Variants in ZHX2 observed in about 807,000 individuals in gnomAD.
ZHX2 encodes zinc fingers and homeoboxes protein 2.
A neutral mutation model predicts 21.9 loss-of-function variants in ZHX2; 6 were observed. The observed-to-expected ratio is 0.27, with a 90% CI of 0.15 to 0.54. The LOEUF (loss-of-function observed/expected upper bound fraction) is 0.54, where lower values mean the gene tolerates loss of function less well. ZHX2 is among the 20% of genes least tolerant of loss of function. The pLI, the probability that ZHX2 is intolerant of heterozygous loss-of-function variation, is 0.95. For missense variants in ZHX2, 908 were observed against 1,090.7 expected, an observed-to-expected ratio of 0.83 and a Z score of 2.36; for synonymous variants, 434 against 437.1, an observed-to-expected ratio of 0.99 and a Z score of 0.09.
intron 2 of ZHX2, among the ~76,000 whole-genome samples, chr8:122,894,547 CA>C (rs1245092333): frequency 6.6e-6 from 1 of 152,038 alleles, no homozygotes; most frequent in African/African-American, 2.4e-5. Flanking sequence ...ATCACAAGGA[CA>C]AAAAACCAAA....
intron 2 of ZHX2, among the ~76,000 whole-genome samples, chr8:122,876,172 A>G (rs1382600535): frequency 6.6e-6 from 1 of 150,482 alleles, no homozygotes; most frequent in East Asian, 2.0e-4. Flanking sequence ...ATCCATCACA[A>G]CACAGCACCA....
chr8:122,964,339 G>C (rs1412706351), intron 3 of ZHX2, among the ~76,000 whole-genome samples: 1 of 151,850 alleles, frequency 6.6e-6, no homozygotes, highest in South Asian at 2.1e-4. Flanking sequence ...TTTTGCTGAG[G>C]GTTTTAATCA....
In ZHX2 at chr8:122,781,703, CTTTTT is replaced by C. The variant is rs1161390081; in HGVS notation, c.-521_-517del. ...CCACTGATCGAGGCATTTTTTTTCCCTTTTTTTTTCCTTTTTTTTTTTCTTTTAAA... is the reference window on the plus strand; with the variant it reads ...CCACTGATCGAGGCATTTTTTTTCCCTTTTCCTTTTTTTTTTTCTTTTAAA... On this transcript the variant is annotated 5_prime_UTR_variant, in exon 1 of 4. Coordinates refer to ENST00000314393, the MANE Select transcript of ZHX2 (RefSeq NM_014943.5). This position sits in a 1 kb window ranked among gnomAD's most constrained non-coding sequence, Gnocchi z 4.6. 6.6e-6 allele frequency: 1 copy of C among 150,850 alleles called. No homozygotes were observed. Among genetic ancestry groups the C allele is most frequent in the Non-Finnish European group, 1.5e-5 (1 of 67,568 alleles). 9.3% of individuals were successfully genotyped at this position (150,850 alleles called of 1,614,324 possible).
At chr8:122,928,286 C>T (rs896318224) in intron 2 of ZHX2, among the ~76,000 whole-genome samples, 5 of 152,132 alleles carry the variant, frequency 3.3e-5, no homozygotes, top group African/African-American at 9.7e-5. Context: ...ATTGGCTTAT[C>T]GGGGAAACTG....
Position 122,782,402 on chromosome 8 carries a change from G to T in ZHX2, c.-283+456G>T, listed in dbSNP as rs1817306148. Among the ~76,000 whole-genome samples, 1 of 152,164 alleles carries T rather than the reference G, an allele frequency of 6.6e-6. No individual in the cohort carries two copies. Among genetic ancestry groups the T allele is most frequent in the Admixed American group, 6.5e-5 (1 of 15,286 alleles). ...GTCTCCCTCCCTTCTTGGCCAAACT[G>T]CGGCGCTTTGTGCAAACGGGGCAGG... On this transcript the variant is annotated intron_variant, in intron 1 of 3. Coordinates refer to ENST00000314393, the MANE Select transcript of ZHX2 (RefSeq NM_014943.5). The surrounding 1 kb of genome is among the most constrained non-coding windows in gnomAD (Gnocchi z 5.3).
At chr8:122,943,007 A>G (rs560927503) in intron 2 of ZHX2, among the ~76,000 whole-genome samples, 1 of 152,242 alleles carries the variant, frequency 6.6e-6, no homozygotes, top group African/African-American at 2.4e-5. Context: ...CATGCCTGTA[A>G]TCCCAGCATT....
intron 2 of ZHX2, among the ~76,000 whole-genome samples, chr8:122,926,023 G>A (rs1425645901): frequency 6.6e-6 from 1 of 152,150 alleles, no homozygotes; most frequent in Non-Finnish European, 1.5e-5. Flanking sequence ...CAGAGGAACT[G>A]AATGGGAATA....
chr8:122,952,785 G>A lies in ZHX2; in HGVS notation c.1275G>A (p.Gln425=), dbSNP rs759651898. 96 of 1,613,942 alleles carry A rather than the reference G, an allele frequency of 5.9e-5. No individual in the cohort carries two copies. The highest frequency in any genetic ancestry group is 8.0e-5 in the Non-Finnish European group (94 of 1,180,032). The change falls in exon 3 of 4, where the codon CAG becomes CAA. Residue 425 remains glutamine (Q), a synonymous_variant. Coordinates refer to ENST00000314393, the MANE Select transcript of ZHX2 (RefSeq NM_014943.5). This position sits in a 1 kb window ranked among gnomAD's most constrained non-coding sequence, Gnocchi z 6.9. ...APEPKRPHIA[Q]VPEPPPKVAN... ...AACCCAAGCGTCCACACATCGCTCAGGTGCCAGAGCCCCCACCCAAGGTGG... is the reference window on the plus strand; with the variant it reads ...AACCCAAGCGTCCACACATCGCTCAAGTGCCAGAGCCCCCACCCAAGGTGG...
At position 122,973,538 on chromosome 8, in the gene ZHX2, C is replaced by T. The variant is rs1422591143; in HGVS notation, c.*301C>T. 4 of 152,660 alleles carry T rather than the reference C, an allele frequency of 2.6e-5. No individual in the cohort carries two copies. Among genetic ancestry groups the T allele is most frequent in the African/African-American group, 9.6e-5 (4 of 41,456 alleles). 9.5% of individuals were successfully genotyped at this position (152,660 alleles called of 1,614,324 possible). A position where few individuals can be genotyped will look rare whatever the true frequency, so the allele number is the denominator to read the frequency against. On this transcript the variant is annotated 3_prime_UTR_variant, in exon 4 of 4. Transcript: ENST00000314393. ...CTTGCTATACTGGAACCGATTTGTA[C>T]AATGTGGGAATTTTGTTACCTTTTT...
intron 2 of ZHX2, among the ~76,000 whole-genome samples, chr8:122,936,797 T>G (rs190347382): frequency 5.3e-5 from 8 of 152,340 alleles, no homozygotes; most frequent in East Asian, 3.9e-4. Context: ...CGTGGCGAGA[T>G]AGCCACTGGT....
At chr8:122,817,492 G>A (rs1009749498) in intron 1 of ZHX2, among the ~76,000 whole-genome samples, 2 of 152,176 alleles carry the variant, frequency 1.3e-5, no homozygotes, top group African/African-American at 4.8e-5. Context: ...GGCCCACAAG[G>A]CACTGCTGGG....
Position 122,951,395 on chromosome 8 carries a change from C to T in ZHX2, c.-116C>T. The T allele has an allele frequency of 1.1e-6, 1 of 925,400 alleles. No individual in the cohort carries two copies. Among genetic ancestry groups the T allele is most frequent in the Non-Finnish European group, 1.6e-6 (1 of 628,180 alleles). 57.3% of individuals were successfully genotyped at this position (925,400 alleles called of 1,614,324 possible). On this transcript the variant is annotated 5_prime_UTR_variant, in exon 3 of 4. Transcript: ENST00000314393. The stretch of plus-strand genomic sequence containing the variant: ...GTAGACTTCAGCACACAAGGAAAGC[C>T]AAAGCCATTTGAGGGGGAATAAAGC...
At chr8:122,843,112 G>A (rs1818676548) in intron 1 of ZHX2, among the ~76,000 whole-genome samples, 1 of 152,180 alleles carries the variant, frequency 6.6e-6, no homozygotes, top group South Asian at 2.1e-4. Context: ...TGACAGCATG[G>A]TAACTTTTTA....
chr8:122,870,029 A>G lies in ZHX2; in HGVS notation c.-220+6490A>G, dbSNP rs529640351. On this transcript the variant is annotated intron_variant, in intron 2 of 3. Transcript: ENST00000314393. ...TGGTAAGTTTCCTACCCACAGATTCAAAGTCTTTCATTCTGCCTGTGGGTT... is the reference window on the plus strand; with the variant it reads ...TGGTAAGTTTCCTACCCACAGATTCGAAGTCTTTCATTCTGCCTGTGGGTT... Among the ~76,000 whole-genome samples the G allele has an allele frequency of 5.9e-5, 9 of 152,328 alleles. No homozygotes were observed. In the East Asian group the frequency reaches 1.5e-3, roughly 26 times the overall value.
intron 2 of ZHX2, among the ~76,000 whole-genome samples, chr8:122,933,469 T>C (rs1200544155): frequency 6.6e-6 from 1 of 152,148 alleles, no homozygotes; most frequent in Non-Finnish European, 1.5e-5. Context: ...ACATCACTCT[T>C]CTCTAAGCCC....
intron 2 of ZHX2, among the ~76,000 whole-genome samples, chr8:122,879,101 C>T (rs1292484905): frequency 4.6e-5 from 7 of 152,212 alleles, no homozygotes; most frequent in African/African-American, 1.2e-4. Flanking sequence ...TCAAGGTTAG[C>T]CTCGTGCCTC....
At chr8:122,783,723 A>G (rs1451536485) in intron 1 of ZHX2, among the ~76,000 whole-genome samples, 1 of 152,196 alleles carries the variant, frequency 6.6e-6, no homozygotes, top group Non-Finnish European at 1.5e-5. Flanking sequence ...TTAATAGTAA[A>G]AATAGATTAA....
At chr8:122,820,350 G>C (rs1011572261) in intron 1 of ZHX2, among the ~76,000 whole-genome samples, 2 of 152,168 alleles carry the variant, frequency 1.3e-5, no homozygotes, top group Non-Finnish European at 2.9e-5. Context: ...TGGCCACAGG[G>C]GCCTGTGGAG....
intron 3 of ZHX2, 77 bp downstream of exon 3, chr8:122,954,105 T>G: frequency 1.5e-6 from 2 of 1,333,776 alleles, no homozygotes; most frequent in Non-Finnish European, 2.0e-6. Context: ...TAATATAGAT[T>G]GTAGGGTACA....
Sources: allele counts gnomAD v4.1 joint callset (sites outside exome capture counted in the v4.1 genomes callset), GRCh38; gene constraint gnomAD v4.1.1; non-coding constraint Gnocchi (gnomAD v3.1); transcripts MANE v1.5; gene names NCBI Gene and HGNC (gene_info 2026-07-23, HGNC 2026-07-21).